The following PLB1 variants were observed in gnomAD, a reference collection of about 807,000 sequenced individuals.
The protein encoded by PLB1 is phospholipase B1, membrane-associated.
PLB1 carries 242 observed loss-of-function variants against 227.4 expected under a neutral mutation model. The observed-to-expected ratio is 1.06, with a 90% CI of 0.96 to 1.18. The LOEUF is 1.18. PLB1 is among the 50% of genes most tolerant of loss of function. The probability of loss-of-function intolerance (pLI) is 0.00; values close to 1 mark genes in which losing one functional copy is unlikely to be tolerated. For synonymous variants in PLB1, 757 were observed against 682.2 expected, an observed-to-expected ratio of 1.11 and a Z score of -1.71; for missense variants, 1,858 against 1,816.3, an observed-to-expected ratio of 1.02 and a Z score of -0.42.
At position 28,633,205 on chromosome 2, in the gene PLB1, C is replaced by A. The variant is rs11889134; in HGVS notation, c.4098+166C>A. 3.9e-3 allele frequency: 2,287 copies of A among 589,412 alleles called. 36 individuals carry two copies. The highest frequency in any genetic ancestry group is 0.039 in the African/African-American group (2,073 of 53,478). 36.5% of individuals were successfully genotyped at this position (589,412 alleles called of 1,614,324 possible). On this transcript the variant is annotated intron_variant, in intron 56 of 57. Transcript: ENST00000327757. ...ATAGATTAATTCCAAAGGGAAAATACCCTATATTTATCCAACACCCTTTGA... is the reference window on the plus strand; with the variant it reads ...ATAGATTAATTCCAAAGGGAAAATAACCTATATTTATCCAACACCCTTTGA...
At chr2:28,500,569 T>C (rs866399786) in intron 1 of PLB1, among the ~76,000 whole-genome samples, 1 of 152,162 alleles carries the variant, frequency 6.6e-6, no homozygotes, top group African/African-American at 2.4e-5. Flanking sequence ...TTGGGTTTCC[T>C]CCATAAAAAA....
In PLB1 at chr2:28,565,232, G is replaced by A. The variant is rs969722628; in HGVS notation, c.1207-48G>A. On this transcript the variant is annotated intron_variant, in intron 18 of 57. Coordinates refer to ENST00000327757, the MANE Select transcript of PLB1 (RefSeq NM_153021.5). Reference sequence around the variant, plus strand: ...CCTTTTGGCAGGTAGGCAGAGGTGGGCCACTGGGGAAAGCAGAGAAACTCA... The same window carrying A: ...CCTTTTGGCAGGTAGGCAGAGGTGGACCACTGGGGAAAGCAGAGAAACTCA... The A allele has an allele frequency of 3.3e-6, 5 of 1,531,876 alleles. No homozygotes were observed. In the South Asian group the frequency reaches 5.8e-5, roughly 18 times the overall value. The allele number at this position is 1,531,876 out of a possible 1,614,324, so 94.9% of individuals were successfully genotyped here.
intron 16 of PLB1, among the ~76,000 whole-genome samples, chr2:28,550,884 G>T (rs1327005690): frequency 6.6e-6 from 1 of 152,126 alleles, no homozygotes; most frequent in African/African-American, 2.4e-5. Flanking sequence ...CTGCCCCTAG[G>T]CATATGGAGG....
chr2:28,527,795 C>T (rs1670473932), intron 6 of PLB1, among the ~76,000 whole-genome samples: 1 of 152,176 alleles, frequency 6.6e-6, no homozygotes, highest in Admixed American at 6.5e-5. Context: ...TGAAAAGATC[C>T]AACGTCATGT....
In PLB1 at chr2:28,643,292, A is replaced by G; in HGVS notation, c.*231A>G. The G allele has an allele frequency of 2.4e-6, 1 of 423,168 alleles. No individual in the cohort carries two copies. The highest frequency in any genetic ancestry group is 4.2e-6 in the Non-Finnish European group (1 of 237,650). 26.2% of individuals were successfully genotyped at this position (423,168 alleles called of 1,614,324 possible). On this transcript the variant is annotated 3_prime_UTR_variant, in exon 58 of 58. Transcript: ENST00000327757. The stretch of plus-strand genomic sequence containing the variant: ...ATTCCTGGGTTTGCCTGCGTGAAGC[A>G]CTCACCTTCCATCTCTTGTGCAGCC...
At chr2:28,522,440 A>G (rs899582236) in intron 4 of PLB1, among the ~76,000 whole-genome samples, 5 of 151,994 alleles carry the variant, frequency 3.3e-5, no homozygotes, top group South Asian at 4.1e-4. Context: ...GTGAAATTGG[A>G]TGGAAATAAG....
At chr2:28,592,286 A>G (rs111651450) in intron 31 of PLB1, among the ~76,000 whole-genome samples, 3,261 of 152,230 alleles carry the variant, frequency 0.021, 129 homozygotes, top group African/African-American at 0.074. Context: ...ATGCCCGTCT[A>G]GTTGTGCACT....
At chr2:28,591,594 AG>A (rs1681946620) in intron 30 of PLB1, 105 bp from the exon 31 acceptor site, 1 of 1,191,492 alleles carries the variant, frequency 8.4e-7, no homozygotes, top group Non-Finnish European at 1.2e-6. Context: ...CCCTAGGAGT[AG>A]GACCCAGGAA....
chr2:28,615,649 G>A (rs1383684521), intron 44 of PLB1, among the ~76,000 whole-genome samples: 3 of 152,194 alleles, frequency 2.0e-5, no homozygotes, highest in African/African-American at 7.2e-5. Context: ...CAAATTCCCT[G>A]AGAATTGAAA....
At chr2:28,591,447 G>T (rs553566279) in intron 30 of PLB1, among the ~76,000 whole-genome samples, 4 of 152,326 alleles carry the variant, frequency 2.6e-5, no homozygotes, top group African/African-American at 9.6e-5. Flanking sequence ...GGCAGGTGTG[G>T]AGTGGGGTCA....
chr2:28,592,671 G>A lies in PLB1; in HGVS notation c.2199G>A (p.Leu733=). The A allele has an allele frequency of 6.2e-7, 1 of 1,614,146 alleles. No homozygotes were observed. The highest frequency in any genetic ancestry group is 8.5e-7 in the Non-Finnish European group (1 of 1,180,018). ...CACTTGTCTTTCCAGTGCATGCCCT[G>A]AGACCTGCAGACATCCAAGTTGTGG... The part of the protein sequence containing the change: ...SALHPTSVHA[L]RPADIQVVAA... The change falls in exon 32 of 58, where the codon CTG becomes CTA. Residue 733 remains leucine (L), a synonymous_variant. Coordinates refer to ENST00000327757, the MANE Select transcript of PLB1 (RefSeq NM_153021.5).
chr2:28,602,109 C>A, intron 38 of PLB1, 145 bp downstream of exon 38: 7 of 790,870 alleles, frequency 8.9e-6, no homozygotes, highest in East Asian at 2.6e-5. Flanking sequence ...AGGTTGGGGT[C>A]TAACCCCAAG....
intron 6 of PLB1, 131 bp from the exon 7 acceptor site, chr2:28,529,186 C>G: frequency 1.6e-6 from 1 of 632,276 alleles, no homozygotes; most frequent in South Asian, 1.9e-5. Flanking sequence ...CTCAAGTGAT[C>G]CTCCTGCCTC....
At position 28,538,306 on chromosome 2, in the gene PLB1, TCTC is replaced by T; in HGVS notation, c.556-9_556-7del. On this transcript the variant is annotated splice_polypyrimidine_tract_variant and intron_variant, in intron 9 of 57. Coordinates refer to ENST00000327757, the MANE Select transcript of PLB1 (RefSeq NM_153021.5). ...TGCAGGCACCCTCACTTAGCACGGT[TCTC>T]CTCTCACAGAATGGGCTTGCGGCGG... 5 of 1,614,060 alleles carry T rather than the reference TCTC, an allele frequency of 3.1e-6. No homozygotes were observed. The highest frequency in any genetic ancestry group is 4.2e-6 in the Non-Finnish European group (5 of 1,180,010).
chr2:28,502,615 T>C (rs1268680863), intron 1 of PLB1, among the ~76,000 whole-genome samples: 1 of 152,232 alleles, frequency 6.6e-6, no homozygotes, highest in African/African-American at 2.4e-5. Flanking sequence ...CTTATATTGC[T>C]AGGCTTAGTT....
intron 1 of PLB1, among the ~76,000 whole-genome samples, chr2:28,515,438 C>A (rs559462275): frequency 6.6e-6 from 1 of 152,214 alleles, no homozygotes; most frequent in Non-Finnish European, 1.5e-5. Flanking sequence ...CACTTCTATG[C>A]CTTCCCGTCA....
intron 4 of PLB1, among the ~76,000 whole-genome samples, chr2:28,524,745 G>T (rs888592256): frequency 1.3e-5 from 2 of 151,854 alleles, no homozygotes; most frequent in Admixed American, 6.6e-5. Context: ...ACCTTCCATC[G>T]CTCCAAGGTC....
At chr2:28,632,755 CAAAAAAA>C (rs200230828) in intron 55 of PLB1, among the ~76,000 whole-genome samples, 182 bp from the exon 56 acceptor site, 10 of 147,268 alleles carry the variant, frequency 6.8e-5, no homozygotes, top group African/African-American at 1.0e-4. Context: ...AACTCCGTCT[CAAAAAAA>C]AAGAAAAAAG....
At chr2:28,507,183 C>T (rs560600305) in intron 1 of PLB1, among the ~76,000 whole-genome samples, 8 of 152,312 alleles carry the variant, frequency 5.3e-5, no homozygotes, top group East Asian at 1.9e-4. Context: ...TCTGCTTGTT[C>T]GTCTTCACCA....
Sources: allele counts gnomAD v4.1 joint callset (sites outside exome capture counted in the v4.1 genomes callset), GRCh38; gene constraint gnomAD v4.1.1; transcripts MANE v1.5; gene names NCBI Gene and HGNC (gene_info 2026-07-23, HGNC 2026-07-21).